Variants in SUN5 observed in about 807,000 individuals in gnomAD.
SUN5 encodes the protein Sad1 and UNC84 domain containing 5, also known as SUN domain-containing protein 5.
SUN5 carries 44 observed loss-of-function variants against 53.7 expected under a neutral mutation model. The ratio of observed to expected loss-of-function variants is 0.82; its 90% CI spans 0.64 to 1.05. SUN5 has a LOEUF of 1.05. Ranked by LOEUF, SUN5 falls within the 50% of genes least tolerant of loss-of-function variation. The probability of loss-of-function intolerance (pLI) is 0.00; values close to 1 mark genes in which losing one functional copy is unlikely to be tolerated. For synonymous variants in SUN5, 166 were observed against 179.8 expected, an observed-to-expected ratio of 0.92 and a Z score of 0.62; for missense variants, 433 against 483.8, an observed-to-expected ratio of 0.90 and a Z score of 0.98.
intron 10 of SUN5, among the ~76,000 whole-genome samples, chr20:32,987,031 C>A (rs1201440095): frequency 6.6e-6 from 1 of 152,208 alleles, no homozygotes; most frequent in Non-Finnish European, 1.5e-5. Flanking sequence ...TGGCCTGTGA[C>A]CTTTTGGCAT....
At chr20:32,990,222 C>T (rs1250473689) in intron 8 of SUN5, among the ~76,000 whole-genome samples, 1 of 152,190 alleles carries the variant, frequency 6.6e-6, no homozygotes, top group Admixed American at 6.5e-5. Flanking sequence ...AAAGGTGTAG[C>T]TTGTTCAAGA....
In SUN5 at chr20:33,003,021, G is replaced by A. The variant is rs556186629; in HGVS notation, c.78-102C>T. 8.0e-6 allele frequency: 11 copies of A among 1,373,898 alleles called. No individual in the cohort carries two copies. The African/African-American group carries it at 1.4e-4, about 18-fold the overall frequency. 85.1% of individuals were successfully genotyped at this position (1,373,898 alleles called of 1,614,324 possible). A position where few individuals can be genotyped will look rare whatever the true frequency, so the allele number is the denominator to read the frequency against. Reference sequence around the variant, plus strand: ...CCAGATTGGGAAACTGAGGTACAGAGAAGGTTTCCCAACACCACCAGCCTG... The same window carrying A: ...CCAGATTGGGAAACTGAGGTACAGAAAAGGTTTCCCAACACCACCAGCCTG... On this transcript the variant is annotated intron_variant, in intron 1 of 12. Transcript: ENST00000356173.
At chr20:32,995,506 A>G (rs944995556) in intron 8 of SUN5, 113 bp downstream of exon 8, 2 of 822,092 alleles carry the variant, frequency 2.4e-6, no homozygotes, top group African/African-American at 3.4e-5. Context: ...TCACTGGGGG[A>G]TGTGCTCCCT....
Position 32,985,179 on chromosome 20 carries a change from C to T in SUN5, c.904G>A (p.Glu302Lys), listed in dbSNP as rs1222940526. 2.5e-6 allele frequency: 4 copies of T among 1,613,932 alleles called. No homozygotes were observed. Among genetic ancestry groups the T allele is most frequent in the Non-Finnish European group, 3.4e-6 (4 of 1,179,926 alleles). ...AACACCTCCTCCTTGGGGGAGCCCT[C>T]CATGCCCTGTGGAACCAGAACCAAG... ...APKDFVIYGMEGSPKEEVFLG... is the reference protein window; with the variant it reads ...APKDFVIYGMKGSPKEEVFLG... Residue 302 changes from glutamate to lysine, a missense_variant, in exon 12 of 13, where the codon GAG becomes AAG. Glu to Lys is a moderately conservative substitution (Grantham distance 56). Coordinates refer to ENST00000356173, the MANE Select transcript of SUN5 (RefSeq NM_080675.4).
chr20:32,988,176 A>G (rs1989599423), intron 9 of SUN5, among the ~76,000 whole-genome samples: 1 of 152,146 alleles, frequency 6.6e-6, no homozygotes, highest in Non-Finnish European at 1.5e-5. Flanking sequence ...AGTGCCTGGC[A>G]CAGGGTAAGC....
At position 33,002,663 on chromosome 20, in the gene SUN5, T is replaced by C; in HGVS notation, c.137-2A>G. 6.2e-7 allele frequency: 1 copy of C among 1,614,254 alleles called. No individual in the cohort carries two copies. Among genetic ancestry groups the C allele is most frequent in the Non-Finnish European group, 8.5e-7 (1 of 1,180,042 alleles). Reference sequence around the variant, plus strand: ...GGACAGGCAACAGGATGTTGTCATCTGCAGAGAGCACAGGACTGTCATGTC... The same window carrying C: ...GGACAGGCAACAGGATGTTGTCATCCGCAGAGAGCACAGGACTGTCATGTC... On this transcript the variant is annotated splice_acceptor_variant, in intron 2 of 12. Coordinates refer to ENST00000356173, the MANE Select transcript of SUN5 (RefSeq NM_080675.4). LOFTEE classifies it high-confidence loss of function.
intron 10 of SUN5, 128 bp from the exon 11 acceptor site, chr20:32,986,031 G>T: frequency 9.5e-7 from 1 of 1,049,570 alleles, no homozygotes; most frequent in Non-Finnish European, 1.4e-6. Context: ...CTTGGCTCAA[G>T]TGCCACCCCC....
At chr20:33,001,367 G>T in intron 3 of SUN5, 89 bp from the exon 4 acceptor site, 3 of 1,461,964 alleles carry the variant, frequency 2.1e-6, no homozygotes, top group Middle Eastern at 1.9e-4. Flanking sequence ...GGCTGGGGGA[G>T]GCCCTGGAGC....
intron 5 of SUN5, among the ~76,000 whole-genome samples, chr20:32,999,453 T>C (rs1989940441): frequency 6.6e-6 from 1 of 151,634 alleles, no homozygotes; most frequent in Non-Finnish European, 1.5e-5. Flanking sequence ...ATTAGCAGGG[T>C]GTGGTGGCGC....
At chr20:32,994,169 G>A (rs1329283618) in intron 8 of SUN5, among the ~76,000 whole-genome samples, 1 of 152,162 alleles carries the variant, frequency 6.6e-6, no homozygotes, top group Non-Finnish European at 1.5e-5. Context: ...TAAAACCTCT[G>A]GATAAATTTT....
chr20:32,985,231 C>A lies in SUN5; in HGVS notation c.898-46G>T, dbSNP rs747713332. On this transcript the variant is annotated intron_variant, in intron 11 of 12. Coordinates refer to ENST00000356173, the MANE Select transcript of SUN5 (RefSeq NM_080675.4). ...TGAAGGCGTCAGATACAAGCAGGGC[C>A]CTCAGAGGGTGTCTCCCCTCTCCAG... 10 of 1,579,354 alleles carry A rather than the reference C, an allele frequency of 6.3e-6. No individual in the cohort carries two copies. The South Asian group carries it at 8.9e-5, about 14-fold the overall frequency.
At chr20:32,988,022 A>G (rs1989595767) in intron 9 of SUN5, among the ~76,000 whole-genome samples, 1 of 152,036 alleles carries the variant, frequency 6.6e-6, no homozygotes, top group Non-Finnish European at 1.5e-5. Context: ...CAGTGGCGCG[A>G]TCTTGGCTCA....
intron 5 of SUN5, among the ~76,000 whole-genome samples, chr20:32,998,225 A>C (rs917045216): frequency 6.7e-6 from 1 of 149,170 alleles, no homozygotes; most frequent in Admixed American, 6.8e-5. Context: ...GGTGTGGTGC[A>C]CGTCTATAGT....
At chr20:32,999,026 C>T (rs1436340497) in intron 5 of SUN5, among the ~76,000 whole-genome samples, 2 of 151,900 alleles carry the variant, frequency 1.3e-5, no homozygotes, top group Non-Finnish European at 2.9e-5. Flanking sequence ...CAGAGACAGA[C>T]CCTGTCTTAA....
In SUN5 at chr20:32,983,859, C is replaced by T; in HGVS notation, c.1075G>A (p.Val359Met). 1.9e-6 allele frequency: 3 copies of T among 1,600,072 alleles called. No individual in the cohort carries two copies. The highest frequency in any genetic ancestry group is 2.6e-6 in the Non-Finnish European group (3 of 1,173,066). The part of the protein sequence containing the change: ...PGFTCLYRVR[V>M]HGSVAPPREQ... ...CTGGGCGGGGCCACAGAGCCATGCA[C>T]TCGCACGCGGTACAGGCAAGTGAAG... The change falls in exon 13 of 13, where the codon GTG (valine) becomes ATG (methionine). Residue 359 changes from valine to methionine, a missense_variant. Coordinates refer to ENST00000356173, the MANE Select transcript of SUN5 (RefSeq NM_080675.4).
intron 9 of SUN5, among the ~76,000 whole-genome samples, chr20:32,988,492 C>T (rs1600490680): frequency 6.6e-6 from 1 of 152,212 alleles, no homozygotes; most frequent in South Asian, 2.1e-4. Flanking sequence ...TCAGCCCAAA[C>T]GTTCTCCTGA....
chr20:32,983,916 C>T lies in SUN5; in HGVS notation c.1018G>A (p.Val340Met). 3.1e-6 allele frequency: 5 copies of T among 1,595,060 alleles called. No individual in the cohort carries two copies. The highest frequency in any genetic ancestry group is 4.3e-6 in the Non-Finnish European group (5 of 1,170,514). The change falls in exon 13 of 13, where the codon GTG (valine) becomes ATG (methionine). Residue 340 changes from valine (V) to methionine (M), a missense_variant. Physicochemically the swap from Val to Met is conservative, Grantham distance 21. Coordinates refer to ENST00000356173, the MANE Select transcript of SUN5 (RefSeq NM_080675.4). ...TTCCCCCAGTTGCTTGAGATCTTCACCTTGACCGCACTGAAAGCCCGGGCC... is the reference window on the plus strand; with the variant it reads ...TTCCCCCAGTTGCTTGAGATCTTCATCTTGACCGCACTGAAAGCCCGGGCC... ...QPARAFSAVK[V>M]KISSNWGNPG...
chr20:33,001,110 T>C, intron 4 of SUN5, 102 bp downstream of exon 4: 2 of 1,343,902 alleles, frequency 1.5e-6, no homozygotes, highest in Middle Eastern at 3.6e-4. Context: ...GCTTTTCTGG[T>C]CTGGCTACCA....
intron 1 of SUN5, 78 bp downstream of exon 1, chr20:33,004,186 A>G: frequency 7.0e-7 from 1 of 1,423,454 alleles, no homozygotes; most frequent in Non-Finnish European, 9.4e-7. Flanking sequence ...AATGCCACTC[A>G]TCTCCAAGGA....
Sources: gnomAD v4.1 joint callset for allele counts (sites outside exome capture counted in the v4.1 genomes callset) on GRCh38, gnomAD v4.1.1 for gene constraint, MANE v1.5 for transcripts, NCBI Gene and HGNC (gene_info 2026-07-23, HGNC 2026-07-21) for gene names.